CERS6: variants seen among roughly 807,000 people sequenced by gnomAD.
CERS6 encodes the protein ceramide synthase 6.
CERS6 carries 26 observed loss-of-function variants against 56.8 expected under a neutral mutation model. The ratio of observed to expected loss-of-function variants is 0.46; its 90% confidence interval spans 0.34 to 0.63. The LOEUF is 0.63. CERS6 is among the 30% of genes least tolerant of loss of function. CERS6 has a pLI of 0.01. For missense variants in CERS6, 415 were observed against 467.5 expected (o/e 0.89, Z 1.04); for synonymous variants, 164 against 173.3 (o/e 0.95, Z 0.42).
chr2:168,544,463 G>A (rs1289244555), intron 1 of CERS6, among the ~76,000 whole-genome samples: 1 of 152,166 alleles, frequency 6.6e-6, no homozygotes, highest in Non-Finnish European at 1.5e-5. Flanking sequence ...TGTGGACTTC[G>A]TTAAGGCCTG....
chr2:168,500,880 C>T (rs1376992974), intron 1 of CERS6, among the ~76,000 whole-genome samples: 1 of 152,150 alleles, frequency 6.6e-6, no homozygotes, highest in African/African-American at 2.4e-5. Context: ...CTGTGGGTAT[C>T]TAAATGTTGG....
chr2:168,514,051 G>A (rs1052852147), intron 1 of CERS6, among the ~76,000 whole-genome samples: 2 of 152,170 alleles, frequency 1.3e-5, no homozygotes, highest in African/African-American at 4.8e-5. Context: ...TGGAGGAAAG[G>A]GAAATAAATG....
intron 3 of CERS6, among the ~76,000 whole-genome samples, chr2:168,619,519 T>A (rs957056727): frequency 3.3e-5 from 5 of 150,606 alleles, no homozygotes; most frequent in African/African-American, 1.2e-4. Flanking sequence ...GAAAAAAAAA[T>A]CAAACAATCC....
At chr2:168,637,211 C>T (rs1684880145) in intron 4 of CERS6, among the ~76,000 whole-genome samples, 1 of 152,196 alleles carries the variant, frequency 6.6e-6, no homozygotes, top group Non-Finnish European at 1.5e-5. Context: ...GGCACGGTGG[C>T]TCACGCCTGT....
chr2:168,566,176 C>T (rs1189261064), intron 3 of CERS6, among the ~76,000 whole-genome samples: 1 of 152,122 alleles, frequency 6.6e-6, no homozygotes, highest in Non-Finnish European at 1.5e-5. Context: ...AAATATAATA[C>T]AGGGCTTTTA....
intron 3 of CERS6, among the ~76,000 whole-genome samples, chr2:168,562,664 A>G (rs531049609): frequency 3.9e-5 from 6 of 152,324 alleles, no homozygotes; most frequent in Admixed American, 3.9e-4. Flanking sequence ...GCCTCCCACC[A>G]TAGGGCAGCT....
chr2:168,648,847 G>A (rs562363161), intron 4 of CERS6, among the ~76,000 whole-genome samples: 1 of 152,046 alleles, frequency 6.6e-6, no homozygotes, highest in Non-Finnish European at 1.5e-5. Flanking sequence ...ACTGTGGTCC[G>A]AGCTTATGTT....
In CERS6 at chr2:168,691,057, G is replaced by A. The variant is rs200674359; in HGVS notation, c.489G>A (p.Arg163=). 4.5e-5 allele frequency: 73 copies of A among 1,613,182 alleles called. No homozygotes were observed. Among genetic ancestry groups the A allele is most frequent in the Admixed American group, 3.3e-4 (20 of 59,952 alleles). Residue 163 remains arginine (R), a synonymous_variant, in exon 5 of 10, where the codon AGG becomes AGA. Transcript: ENST00000305747. ...LKKTPWLWNT[R]HCWYNYPYQP... is the part of the protein sequence containing the mutation. ...AGACCCCCTGGTTGTGGAATACGAG[G>A]CATTGCTGGTACAACTACCCCTATC...
chr2:168,649,178 T>G (rs1330388891), intron 4 of CERS6, among the ~76,000 whole-genome samples: 1 of 152,222 alleles, frequency 6.6e-6, no homozygotes, highest in Non-Finnish European at 1.5e-5. Context: ...TGTACTGTGC[T>G]TATTTCTAAA....
intron 8 of CERS6, among the ~76,000 whole-genome samples, chr2:168,725,569 T>C (rs1683327558): frequency 6.6e-6 from 1 of 152,270 alleles, no homozygotes; most frequent in Non-Finnish European, 1.5e-5. Context: ...TATCAATATC[T>C]TTTTCAAATA....
chr2:168,559,730 G>GTAATATATATATA (rs1558997887), intron 2 of CERS6, among the ~76,000 whole-genome samples: 1 of 7,844 alleles, frequency 1.3e-4, no homozygotes, highest in African/African-American at 8.5e-4. Context: ...TTTTAGAAAG[G>GTAATATATATATA]TATCATATAT....
At chr2:168,764,863 A>G (rs1378099654) in intron 8 of CERS6, among the ~76,000 whole-genome samples, 1 of 152,168 alleles carries the variant, frequency 6.6e-6, no homozygotes, top group African/African-American at 2.4e-5. Context: ...TGATCCAACA[A>G]TTCCACTTCT....
chr2:168,731,685 A>G (rs17251018), intron 8 of CERS6, among the ~76,000 whole-genome samples: 49,831 of 151,948 alleles, frequency 0.33, 10,654 homozygotes, highest in Middle Eastern at 0.52. Flanking sequence ...GAGTTCTGGC[A>G]TAACGATTTT....
At chr2:168,679,685 G>A (rs1686161433) in intron 4 of CERS6, among the ~76,000 whole-genome samples, 1 of 152,188 alleles carries the variant, frequency 6.6e-6, no homozygotes, top group Admixed American at 6.5e-5. Flanking sequence ...GAGAGGCTTG[G>A]AATCAGGTCA....
intron 3 of CERS6, among the ~76,000 whole-genome samples, chr2:168,609,675 G>A (rs1191281781): frequency 1.3e-5 from 2 of 152,148 alleles, no homozygotes; most frequent in African/African-American, 2.4e-5. Context: ...TTACCCTAAA[G>A]TCTTGAGAGG....
At chr2:168,645,134 TATATATATAGAGAGAGAGAG>T (rs1410207014) in intron 4 of CERS6, among the ~76,000 whole-genome samples, 2 of 38,832 alleles carry the variant, frequency 5.2e-5, no homozygotes, top group Admixed American at 3.5e-4. Flanking sequence ...TATATATATA[TATATATATAGAGAGAGAGAG>T]AGAGAGAGAG....
chr2:168,466,934 C>G (rs929170055), intron 1 of CERS6, among the ~76,000 whole-genome samples: 10 of 152,206 alleles, frequency 6.6e-5, no homozygotes, highest in African/African-American at 2.4e-4. Flanking sequence ...TCGCCATTGT[C>G]TACATAAATG....
At chr2:168,767,978 T>C (rs1335180395) in intron 9 of CERS6, among the ~76,000 whole-genome samples, 3 of 152,208 alleles carry the variant, frequency 2.0e-5, no homozygotes. Flanking sequence ...CTTAAGGCCT[T>C]CTGGGTAAAA....
intron 1 of CERS6, among the ~76,000 whole-genome samples, chr2:168,488,482 A>G (rs937842362): frequency 2.6e-5 from 4 of 152,118 alleles, no homozygotes; most frequent in Non-Finnish European, 4.4e-5. Flanking sequence ...TGTAGGCAGC[A>G]TATAGTTGGT....
Sources: gnomAD v4.1 joint callset for allele counts (sites outside exome capture counted in the v4.1 genomes callset) on GRCh38, gnomAD v4.1.1 for gene constraint, MANE v1.5 for transcripts, NCBI Gene and HGNC (gene_info 2026-07-23, HGNC 2026-07-21) for gene names.